KRT8: variants seen among roughly 807,000 people sequenced by gnomAD.
KRT8 encodes keratin 8.
In KRT8, 24 loss-of-function variants were observed where a neutral mutation model predicts 43.0. The ratio of observed to expected loss-of-function variants is 0.56; its 90% CI spans 0.40 to 0.78. The LOEUF is 0.78. KRT8 is among the 30% of genes least tolerant of loss of function. The pLI is 0.00. For synonymous variants in KRT8, 214 were observed against 261.2 expected, an observed-to-expected ratio of 0.82 and a Z score of 1.74; for missense variants, 492 against 638.4, an observed-to-expected ratio of 0.77 and a Z score of 2.47.
exon 8 of KRT8, chr12:52,897,245 T>A (rs1026840953): frequency 1.5e-6 from 1 of 673,052 alleles, no homozygotes; most frequent in Non-Finnish European, 2.7e-6. Flanking sequence ...GCAATTGAAT[T>A]GTTTTGTAGC....
At chr12:52,921,973 C>T (rs183653706) in intron 2 of KRT8, among the ~76,000 whole-genome samples, 55 of 151,812 alleles carry the variant, frequency 3.6e-4, no homozygotes, top group Admixed American at 1.8e-3. Flanking sequence ...CAAGACCAGC[C>T]TGGACAACAC....
upstream of KRT8, chr12:52,905,096 C>T (rs1193163776): frequency 2.0e-6 from 3 of 1,464,504 alleles, no homozygotes; most frequent in South Asian, 2.8e-5. Flanking sequence ...TAAAAGAGAT[C>T]CCAGCCCCGG....
chr12:52,899,954 C>T (rs1258310522), exon 5 of KRT8: 17 of 1,613,294 alleles, frequency 1.1e-5, no homozygotes, highest in African/African-American at 8.0e-5. Flanking sequence ...GCAATATCCT[C>T]GTACTGTGCC....
chr12:52,923,620 T>G (rs894220855), intron 2 of KRT8, among the ~76,000 whole-genome samples: 1 of 150,984 alleles, frequency 6.6e-6, no homozygotes, highest in Non-Finnish European at 1.5e-5. Context: ...GGATTTCACC[T>G]TGTTAGCCAG....
intron 2 of KRT8, among the ~76,000 whole-genome samples, chr12:52,938,700 C>T (rs150362215): frequency 0.024 from 3,660 of 152,108 alleles, 73 homozygotes; most frequent in Admixed American, 0.052. Flanking sequence ...TCACTGCAAG[C>T]TCTGCCTCCC....
Position 52,916,587 on chromosome 12 carries a change from C to T in KRT8, c.-46-11560G>A, listed in dbSNP as rs543935486. On this transcript the variant is annotated intron_variant, in intron 2 of 6. Transcript: ENST00000546826. ...GTTCCTGTCTCAGTGCCAGCATCTG[C>T]CCAGCAGGGTACTGGCCCAGAGTAG... 4.6e-5 allele frequency among the ~76,000 whole-genome samples: 7 copies of T among 152,318 alleles called. No homozygotes were observed. The East Asian group carries it at 9.7e-4, about 21-fold the overall frequency.
chr12:52,913,453 AG>A (rs1270159748), intron 2 of KRT8, among the ~76,000 whole-genome samples: 1 of 152,236 alleles, frequency 6.6e-6, no homozygotes, highest in Non-Finnish European at 1.5e-5. Flanking sequence ...AATTTTCAGG[AG>A]GGCAGAGGTG....
At chr12:52,912,046 G>C (rs1941646809), upstream of KRT8, among the ~76,000 whole-genome samples, 1 of 152,178 alleles carries the variant, frequency 6.6e-6, no homozygotes, top group African/African-American at 2.4e-5. Context: ...AAAAAGGAAA[G>C]AAAAGTATTT....
chr12:52,914,413 T>C (rs1941695701), intron 2 of KRT8, among the ~76,000 whole-genome samples: 1 of 152,048 alleles, frequency 6.6e-6, no homozygotes, highest in African/African-American at 2.4e-5. Flanking sequence ...GGCGCATGCC[T>C]GTAACCCCAG....
chr12:52,948,981 G>T, intron 2 of KRT8: 2 of 477,992 alleles, frequency 4.2e-6, no homozygotes, highest in Non-Finnish European at 3.6e-6. Flanking sequence ...CGCGGGGGTG[G>T]GGCCCGGGGC....
chr12:52,934,766 C>T (rs1417131083), intron 2 of KRT8, among the ~76,000 whole-genome samples: 1 of 151,796 alleles, frequency 6.6e-6, no homozygotes, highest in Non-Finnish European at 1.5e-5. Flanking sequence ...GTCAGGAGTT[C>T]GAGACCAGCC....
At chr12:52,919,709 C>T (rs1483717621) in intron 2 of KRT8, among the ~76,000 whole-genome samples, 3 of 151,918 alleles carry the variant, frequency 2.0e-5, no homozygotes, top group Non-Finnish European at 2.9e-5. Flanking sequence ...TGCAGTGGCA[C>T]GATCTTGACT....
intron 2 of KRT8, among the ~76,000 whole-genome samples, chr12:52,915,537 A>T (rs967128456): frequency 6.6e-6 from 1 of 151,824 alleles, no homozygotes; most frequent in Non-Finnish European, 1.5e-5. Context: ...GTGAAACCCC[A>T]TCTGTACTAA....
chr12:52,931,497 T>C (rs1485131767), intron 2 of KRT8, among the ~76,000 whole-genome samples: 2 of 152,136 alleles, frequency 1.3e-5, no homozygotes, highest in Non-Finnish European at 2.9e-5. Context: ...GGCACCTGCA[T>C]TCATGACATG....
exon 5 of KRT8, chr12:52,899,882 G>A (rs1941320577): frequency 6.2e-7 from 1 of 1,612,764 alleles, no homozygotes; most frequent in Non-Finnish European, 8.5e-7. Context: ...TTCCCAGCCA[G>A]GCTCTGCAGC....
chr12:52,937,491 C>A (rs1027636615), intron 2 of KRT8, among the ~76,000 whole-genome samples: 3 of 151,662 alleles, frequency 2.0e-5, no homozygotes, highest in African/African-American at 7.3e-5. Flanking sequence ...AGTTTGAGAC[C>A]AGCCTGGGCA....
At chr12:52,943,406 C>T (rs1356359710) in intron 2 of KRT8, among the ~76,000 whole-genome samples, 2 of 152,170 alleles carry the variant, frequency 1.3e-5, no homozygotes, top group Non-Finnish European at 2.9e-5. Flanking sequence ...GCTTTCATGA[C>T]GTCCTCTCTC....
intron 2 of KRT8, among the ~76,000 whole-genome samples, chr12:52,926,937 TGAA>T (rs1298134013): frequency 5.8e-5 from 2 of 34,442 alleles, no homozygotes; most frequent in Non-Finnish European, 1.7e-4. Context: ...TTTGATTCAC[TGAA>T]TGAATGAATG....
intron 2 of KRT8, among the ~76,000 whole-genome samples, chr12:52,929,366 G>C (rs550386442): frequency 2.0e-5 from 3 of 152,008 alleles, no homozygotes; most frequent in African/African-American, 7.2e-5. Flanking sequence ...TGATTTTTTT[G>C]TATTTTTAGT....
Sources: gnomAD v4.1 joint callset for allele counts (sites outside exome capture counted in the v4.1 genomes callset) on GRCh38, gnomAD v4.1.1 for gene constraint, MANE v1.5 for transcripts, NCBI Gene and HGNC (gene_info 2026-07-23, HGNC 2026-07-21) for gene names.